Variants in CDH12 observed in about 807,000 individuals in gnomAD.
The protein encoded by CDH12 is cadherin-12.
CDH12 carries 41 observed loss-of-function variants against 74.1 expected under a neutral mutation model. The ratio of observed to expected loss-of-function variants is 0.55; its 90% confidence interval spans 0.43 to 0.72. The LOEUF (loss-of-function observed/expected upper bound fraction) is 0.72. CDH12 is among the 30% of genes least tolerant of loss of function. CDH12 has a pLI of 0.00. For missense variants in CDH12, 945 were observed against 977.2 expected (o/e 0.97, Z 0.44); for synonymous variants, 399 against 355.0 (o/e 1.12, Z -1.39).
At chr5:21,975,830 T>G (rs1255544800) in intron 5 of CDH12, among the ~76,000 whole-genome samples, 1 of 152,130 alleles carries the variant, frequency 6.6e-6, no homozygotes, top group Admixed American at 6.6e-5. Flanking sequence ...CCCTTTGGGA[T>G]AACATTTTCA....
intron 1 of CDH12, among the ~76,000 whole-genome samples, chr5:22,758,781 G>A (rs1182616225): frequency 6.6e-6 from 1 of 152,104 alleles, no homozygotes; most frequent in Non-Finnish European, 1.5e-5. Context: ...GTCAATGGAA[G>A]GGCTATGAAA....
At chr5:22,325,857 G>C (rs901226708) in intron 3 of CDH12, among the ~76,000 whole-genome samples, 5 of 152,052 alleles carry the variant, frequency 3.3e-5, no homozygotes, top group African/African-American at 1.2e-4. Context: ...GCAGTGAGCT[G>C]AGATCACGCC....
intron 4 of CDH12, chr5:22,142,536 A>T (rs1163630797): frequency 2.6e-6 from 2 of 761,232 alleles, no homozygotes; most frequent in African/African-American, 1.8e-5. Context: ...GAAACTGGGG[A>T]TGAAGAAAAC....
chr5:22,703,298 T>C (rs1220588194), intron 1 of CDH12, among the ~76,000 whole-genome samples: 1 of 152,088 alleles, frequency 6.6e-6, no homozygotes, highest in African/African-American at 2.4e-5. Context: ...TTATCTAAAC[T>C]ATCAGCTGAA....
At chr5:22,616,891 GT>G (rs1470625660) in intron 1 of CDH12, among the ~76,000 whole-genome samples, 2 of 151,778 alleles carry the variant, frequency 1.3e-5, no homozygotes, top group African/African-American at 4.8e-5. Context: ...TTACCATGGG[GT>G]CCCCCTCTGC....
intron 4 of CDH12, among the ~76,000 whole-genome samples, chr5:22,179,536 T>C (rs1207904407): frequency 6.6e-6 from 1 of 152,100 alleles, no homozygotes; most frequent in Non-Finnish European, 1.5e-5. Flanking sequence ...AATTCAGTCA[T>C]TATTCTTCTA....
chr5:21,810,515 G>A (rs950561153), intron 9 of CDH12, among the ~76,000 whole-genome samples: 2 of 152,046 alleles, frequency 1.3e-5, no homozygotes, highest in African/African-American at 2.4e-5. Context: ...AACATGAGTA[G>A]GCAGACTTTT....
At chr5:21,825,448 ACTTT>A (rs1259833080) in intron 8 of CDH12, among the ~76,000 whole-genome samples, 1 of 152,126 alleles carries the variant, frequency 6.6e-6, no homozygotes, top group East Asian at 1.9e-4. Context: ...TGCACTCAAT[ACTTT>A]CTTCTCAATA....
rs560597228 is a variant in CDH12, at chr5:21,841,102, T to C, written c.814+1059A>G. On this transcript the variant is annotated intron_variant, in intron 8 of 14. Coordinates refer to ENST00000382254, the MANE Select transcript of CDH12 (RefSeq NM_004061.5). ...AAAATGGGAGAAAATTTTCGCAAGC[T>C]ACTCATCTGACAAAGGGCTAATATC... Among the ~76,000 whole-genome samples the C allele has an allele frequency of 2.0e-3, 305 of 152,254 alleles. 1 individual carries two copies. The highest frequency in any genetic ancestry group is 6.9e-3 in the African/African-American group (288 of 41,562).
At position 22,462,594 on chromosome 5, in the gene CDH12, C is replaced by A. The variant is rs1490756352; in HGVS notation, c.-428+42676G>T. ...CTGAAGAAAAATCAGATGCCACCCA[C>A]ACCTGTGAAGATCTGGGTCTCTGGA... On this transcript the variant is annotated intron_variant, in intron 2 of 14. Coordinates refer to ENST00000382254, the MANE Select transcript of CDH12 (RefSeq NM_004061.5). Among the ~76,000 whole-genome samples the A allele has an allele frequency of 3.9e-5, 6 of 152,050 alleles. No individual in the cohort carries two copies. The East Asian group carries it at 9.7e-4, about 24-fold the overall frequency.
At chr5:21,864,920 C>T (rs900506030) in intron 6 of CDH12, among the ~76,000 whole-genome samples, 2 of 152,098 alleles carry the variant, frequency 1.3e-5, no homozygotes, top group African/African-American at 4.8e-5. Context: ...AACTTAAGAA[C>T]AAGGTATTGG....
chr5:22,302,589 G>T lies in CDH12; in HGVS notation c.-332-89946C>A, dbSNP rs559761011. On this transcript the variant is annotated intron_variant, in intron 3 of 14. Coordinates refer to ENST00000382254, the MANE Select transcript of CDH12 (RefSeq NM_004061.5). Reference sequence around the variant, plus strand: ...TTCTCAATTTTGGATCATCTAAAAAGATTTGAATGATCTACATAGATATTC... The same window carrying T: ...TTCTCAATTTTGGATCATCTAAAAATATTTGAATGATCTACATAGATATTC... Among the ~76,000 whole-genome samples the T allele has an allele frequency of 3.9e-5, 6 of 152,158 alleles. No individual in the cohort carries two copies. In the East Asian group the frequency reaches 9.7e-4, roughly 25 times the overall value.
At chr5:22,667,624 C>T (rs925645611) in intron 1 of CDH12, among the ~76,000 whole-genome samples, 5 of 152,150 alleles carry the variant, frequency 3.3e-5, no homozygotes, top group African/African-American at 1.2e-4. Flanking sequence ...TGATACTAAA[C>T]AATTAGGTGG....
At chr5:22,586,055 G>T (rs945692865) in intron 1 of CDH12, among the ~76,000 whole-genome samples, 3 of 152,236 alleles carry the variant, frequency 2.0e-5, no homozygotes, top group African/African-American at 7.2e-5. Flanking sequence ...GTTTATTGTG[G>T]CACTATTCAG....
chr5:22,208,241 A>T (rs1253874923), intron 4 of CDH12, among the ~76,000 whole-genome samples: 1 of 152,136 alleles, frequency 6.6e-6, no homozygotes, highest in East Asian at 1.9e-4. Context: ...AGATGTGCTC[A>T]ATTTGAATGG....
intron 5 of CDH12, among the ~76,000 whole-genome samples, chr5:22,014,187 A>G (rs1276036925): frequency 6.6e-6 from 1 of 152,182 alleles, no homozygotes; most frequent in East Asian, 1.9e-4. Context: ...AGATCACGCC[A>G]CTGCACTCCA....
At chr5:22,757,339 T>TA (rs1745978596) in intron 1 of CDH12, among the ~76,000 whole-genome samples, 1 of 152,216 alleles carries the variant, frequency 6.6e-6, no homozygotes, top group African/African-American at 2.4e-5. Flanking sequence ...GTTTCACTGT[T>TA]ACAGAGTCAG....
intron 2 of CDH12, among the ~76,000 whole-genome samples, chr5:22,480,497 A>T (rs1746344471): frequency 6.6e-6 from 1 of 151,794 alleles, no homozygotes; most frequent in Non-Finnish European, 1.5e-5. Flanking sequence ...AGACGGGAGA[A>T]TCACCTGAGC....
chr5:21,807,212 G>C (rs1486880790), intron 9 of CDH12, among the ~76,000 whole-genome samples: 2 of 152,046 alleles, frequency 1.3e-5, no homozygotes, highest in Non-Finnish European at 2.9e-5. Context: ...CTCAGCATGG[G>C]GGGGACTGTA....
Sources: allele counts gnomAD v4.1 joint callset (sites outside exome capture counted in the v4.1 genomes callset), GRCh38; gene constraint gnomAD v4.1.1; transcripts MANE v1.5; gene names NCBI Gene and HGNC (gene_info 2026-07-23, HGNC 2026-07-21).